Variants in LRP2BP observed in about 807,000 individuals in gnomAD.
LRP2BP encodes the protein LRP2 binding protein, also known as LRP2-binding protein.
A neutral mutation model predicts 45.2 loss-of-function variants in LRP2BP; 38 were observed. The ratio of observed to expected loss-of-function variants is 0.84; its 90% CI spans 0.65 to 1.10. The LOEUF is 1.10. Among genes scored for constraint, LRP2BP ranks in the 50% least tolerant of loss-of-function variants. LRP2BP has a pLI of 0.00. For synonymous variants in LRP2BP, 153 were observed against 153.9 expected, an observed-to-expected ratio of 0.99 and a Z score of 0.04; for missense variants, 385 against 418.9, an observed-to-expected ratio of 0.92 and a Z score of 0.71.
chr4:185,378,312 C>A, intron 1 of LRP2BP, 105 bp from the exon 2 acceptor site: 1 of 1,484,034 alleles, frequency 6.7e-7, no homozygotes, highest in South Asian at 1.4e-5. Flanking sequence ...GCATCCTTCT[C>A]TCATCGCCTA....
chr4:185,381,149 G>C (rs1579998831), intron 1 of LRP2BP, among the ~76,000 whole-genome samples: 1 of 152,146 alleles, frequency 6.6e-6, no homozygotes, highest in Admixed American at 6.6e-5. Context: ...AATGGCACAA[G>C]TTACTTTTTC....
intron 6 of LRP2BP, among the ~76,000 whole-genome samples, chr4:185,373,556 G>C (rs2095423249): frequency 6.6e-6 from 1 of 152,190 alleles, no homozygotes; most frequent in African/African-American, 2.4e-5. Flanking sequence ...CTCATACTCT[G>C]CTACAGTGAA....
At chr4:185,383,560 T>G (rs1194977285) in intron 1 of LRP2BP, among the ~76,000 whole-genome samples, 1 of 152,236 alleles carries the variant, frequency 6.6e-6, no homozygotes, top group Non-Finnish European at 1.5e-5. Context: ...AGAAAACAGT[T>G]ACCACGGCAG....
chr4:185,388,004 T>C (rs1016906362), intron 1 of LRP2BP, among the ~76,000 whole-genome samples: 10 of 152,194 alleles, frequency 6.6e-5, no homozygotes, highest in African/African-American at 2.2e-4. Context: ...AGCGACGCAG[T>C]AGGCCGAGGA....
At chr4:185,378,971 G>C in intron 1 of LRP2BP, 2 of 985,342 alleles carry the variant, frequency 2.0e-6, no homozygotes, top group Middle Eastern at 5.2e-4. Context: ...TGATTGGAAA[G>C]CTGCATTTTT....
At chr4:185,378,989 T>C (rs1367225635) in intron 1 of LRP2BP, 1 of 984,894 alleles carries the variant, frequency 1.0e-6, no homozygotes, top group Non-Finnish European at 1.2e-6. Flanking sequence ...TTTATATCAT[T>C]CCATGATGCT....
At position 185,378,210 on chromosome 4, in the gene LRP2BP, A is replaced by G. The variant is rs777784371; in HGVS notation, c.-21-3T>C. On this transcript the variant is annotated splice_region_variant and splice_polypyrimidine_tract_variant and intron_variant, in intron 1 of 8. Transcript: ENST00000505916. The stretch of plus-strand genomic sequence containing the variant: ...ATCCTTTTTCTGCAATGTGTATTCT[A>G]TAAGCAAGAAGAAAAAATAAGTGGT... 2 of 1,606,292 alleles carry G rather than the reference A, an allele frequency of 1.2e-6. No homozygotes were observed. Among genetic ancestry groups the G allele is most frequent in the East Asian group, 2.2e-5 (1 of 44,826 alleles).
intron 1 of LRP2BP, 60 bp downstream of exon 1, chr4:185,394,719 T>C (rs551628141): frequency 2.0e-6 from 2 of 978,936 alleles, no homozygotes; most frequent in Admixed American, 1.2e-4. Flanking sequence ...CTGGACTCCT[T>C]AGCAAACTCT....
At chr4:185,371,005 G>T (rs1345139244) in intron 7 of LRP2BP, 191 bp from the exon 8 acceptor site, 3 of 548,852 alleles carry the variant, frequency 5.5e-6, no homozygotes, top group Non-Finnish European at 9.7e-6. Flanking sequence ...TTCCCAGAGT[G>T]GTGACTTCAC....
intron 8 of LRP2BP, among the ~76,000 whole-genome samples, chr4:185,369,227 C>CTTTTTT (rs35543353): frequency 6.9e-5 from 7 of 100,924 alleles, no homozygotes; most frequent in South Asian, 3.3e-4. Flanking sequence ...ATACAGAGAG[C>CTTTTTT]TTTTTTTTTT....
chr4:185,368,165 C>A (rs1217830456), intron 8 of LRP2BP, among the ~76,000 whole-genome samples: 1 of 152,068 alleles, frequency 6.6e-6, no homozygotes, highest in Admixed American at 6.6e-5. Context: ...GCAACAGAGC[C>A]AGACTCCGTC....
chr4:185,391,768 A>T (rs909349839), intron 1 of LRP2BP, among the ~76,000 whole-genome samples: 2 of 152,150 alleles, frequency 1.3e-5, no homozygotes, highest in Non-Finnish European at 2.9e-5. Flanking sequence ...GTCTGCAAGG[A>T]GCCCTGGTTT....
At chr4:185,385,168 C>T (rs1024476178) in intron 1 of LRP2BP, among the ~76,000 whole-genome samples, 37 of 152,114 alleles carry the variant, frequency 2.4e-4, no homozygotes, top group African/African-American at 8.0e-4. Flanking sequence ...AACACTGATA[C>T]GTTCAAAATC....
At chr4:185,375,164 A>G (rs1432651608) in intron 4 of LRP2BP, among the ~76,000 whole-genome samples, 1 of 150,704 alleles carries the variant, frequency 6.6e-6, no homozygotes, top group Admixed American at 6.6e-5. Context: ...CCCAGGCTGG[A>G]GTGCAGTGGC....
chr4:185,375,136 CAG>C (rs1180675912), intron 4 of LRP2BP, among the ~76,000 whole-genome samples: 4 of 151,690 alleles, frequency 2.6e-5, no homozygotes, highest in African/African-American at 4.8e-5. Flanking sequence ...TTGTTTGAGA[CAG>C]AGTCTTGCTC....
rs2095384241 is a variant in LRP2BP, at chr4:185,365,570, G to A, written c.*1610C>T. 6.6e-6 allele frequency: 1 copy of A among 151,502 alleles called. No individual in the cohort carries two copies. The highest frequency in any genetic ancestry group is 1.9e-4 in the East Asian group (1 of 5,154). The allele number at this position is 151,502 out of a possible 1,614,324, so 9.4% of individuals were successfully genotyped here. A position where few individuals can be genotyped will look rare whatever the true frequency, so the allele number is the denominator to read the frequency against. On this transcript the variant is annotated 3_prime_UTR_variant, in exon 9 of 9. Coordinates refer to ENST00000505916, the MANE Select transcript of LRP2BP (RefSeq NM_001377440.1). ...GGGGTTTCACCACGTTGGCCAGCCT[G>A]GTCTCAAACTCCTGACCTCATGATC...
At position 185,395,101 on chromosome 4, in the gene LRP2BP, GA is replaced by G; in HGVS notation, c.-345del. The G allele has an allele frequency of 1.0e-6, 1 of 978,004 alleles. No homozygotes were observed. The highest frequency in any genetic ancestry group is 1.2e-6 in the Non-Finnish European group (1 of 824,692). 60.6% of individuals were successfully genotyped at this position (978,004 alleles called of 1,614,324 possible). On this transcript the variant is annotated 5_prime_UTR_variant, in exon 1 of 9. Transcript: ENST00000505916. ...CAGCTGAGATACAACTTTTTTTTCT[GA>G]AAACAATGTGAGCAATGGACAGGTA...
In LRP2BP at chr4:185,367,000, C is replaced by T. The variant is rs965298918; in HGVS notation, c.*180G>A. 1.8e-6 allele frequency: 1 copy of T among 566,674 alleles called. No homozygotes were observed. The highest frequency in any genetic ancestry group is 3.1e-6 in the Non-Finnish European group (1 of 321,190). The allele number at this position is 566,674 out of a possible 1,614,324, so 35.1% of individuals were successfully genotyped here. ...CTCTTCCAGCAATTTGACCTTGTGTCTAGGTTTCAAGTTGCAAAACTTAAC... is the reference window on the plus strand; with the variant it reads ...CTCTTCCAGCAATTTGACCTTGTGTTTAGGTTTCAAGTTGCAAAACTTAAC... On this transcript the variant is annotated 3_prime_UTR_variant, in exon 9 of 9. Coordinates refer to ENST00000505916, the MANE Select transcript of LRP2BP (RefSeq NM_001377440.1).
intron 4 of LRP2BP, among the ~76,000 whole-genome samples, chr4:185,375,076 C>A (rs1026617266): frequency 6.6e-6 from 1 of 151,950 alleles, no homozygotes; most frequent in Non-Finnish European, 1.5e-5. Flanking sequence ...TCAAACATCA[C>A]CCAAAAGAAG....
Sources: allele counts gnomAD v4.1 joint callset (sites outside exome capture counted in the v4.1 genomes callset), GRCh38; gene constraint gnomAD v4.1.1; transcripts MANE v1.5; gene names NCBI Gene and HGNC (gene_info 2026-07-23, HGNC 2026-07-21).